TGFBR3L: variants seen among roughly 807,000 people sequenced by gnomAD.
TGFBR3L encodes the protein transforming growth factor-beta receptor type 3-like protein.
Under a neutral mutation model 20.4 loss-of-function variants are expected in TGFBR3L, and 21 were observed. The observed-to-expected ratio is 1.03, with a 90% CI of 0.73 to 1.48. The LOEUF is 1.48. Among genes scored for constraint, TGFBR3L ranks in the 40% most tolerant of loss-of-function variants. The pLI is 0.00. For missense variants in TGFBR3L, 479 were observed against 498.0 expected (o/e 0.96, Z 0.36); for synonymous variants, 245 against 244.2 (o/e 1.00, Z -0.03).
chr19:7,918,068 C>G lies in TGFBR3L; in HGVS notation c.895C>G (p.Pro299Ala), dbSNP rs1983397973. 1.3e-6 allele frequency: 2 copies of G among 1,535,590 alleles called. No homozygotes were observed. The highest frequency in any genetic ancestry group is 1.7e-6 in the Non-Finnish European group (2 of 1,146,718). The change falls in exon 5 of 6, where the codon CCT (proline) becomes GCT (alanine). Residue 299 changes from proline (P) to alanine (A), a missense_variant. Transcript: ENST00000565886. ...CCTCTCCCTTCCAGCGCCCCACGCC[C>G]CTGGCCCGCCCGCGAGAGCCTCGCC...
In TGFBR3L at chr19:7,916,703, G is replaced by A; in HGVS notation, c.358G>A (p.Gly120Arg). ...GACGCCGTCCTCACGCCCGGCCCCGGGGCCCGCCCTGGCTCTGCTGCGTGA... is the reference window on the plus strand; with the variant it reads ...GACGCCGTCCTCACGCCCGGCCCCGAGGCCCGCCCTGGCTCTGCTGCGTGA... Residue 120 changes from glycine to arginine, a missense_variant, in exon 2 of 6, where the codon GGG (glycine) becomes AGG (arginine). Physicochemically the swap from Gly to Arg is moderately radical, Grantham distance 125. Transcript: ENST00000565886. 6.9e-7 allele frequency: 1 copy of A among 1,452,236 alleles called. No individual in the cohort carries two copies. Among genetic ancestry groups the A allele is most frequent in the Admixed American group, 2.8e-5 (1 of 36,062 alleles). The allele number at this position is 1,452,236 out of a possible 1,614,324, so 90.0% of individuals were successfully genotyped here.
intron 2 of TGFBR3L, 109 bp downstream of exon 3, chr19:7,917,051 G>T: frequency 3.3e-6 from 4 of 1,199,910 alleles, no homozygotes; most frequent in African/African-American, 1.6e-5. Flanking sequence ...GGATCTGGGG[G>T]TTGGGGGAGG....
chr19:7,918,201 T>A (rs1488691958), intron 5 of TGFBR3L, 72 bp downstream of exon 6: 9 of 1,443,690 alleles, frequency 6.2e-6, no homozygotes, highest in African/African-American at 2.8e-5. Flanking sequence ...GCTTAGTTCG[T>A]GCCAGGCACT....
rs1456761194 is a variant in TGFBR3L at position 7,916,414 on chromosome 19, G to A, written c.147G>A (p.Pro49=). 2 of 1,534,514 alleles carry A rather than the reference G, an allele frequency of 1.3e-6. No individual in the cohort carries two copies. The highest frequency in any genetic ancestry group is 2.7e-5 in the African/African-American group (2 of 73,012). ...CCTTCCCCGCCCCGCCAGCTCCCCC[G>A]TTCCCCGCGGCGCCCGGCCCCTGGC... The change falls in exon 1 of 6, where the codon CCG becomes CCA. Residue 49 remains proline (P), a synonymous_variant. Coordinates refer to ENST00000565886, the MANE Select transcript of TGFBR3L (RefSeq NM_001195259.2).
At position 7,916,098 on chromosome 19, in the gene TGFBR3L, T is replaced by C. The variant is rs1983271686; in HGVS notation, c.-170T>C. The C allele has an allele frequency of 7.5e-7, 1 of 1,341,090 alleles. No individual in the cohort carries two copies. The highest frequency in any genetic ancestry group is 2.6e-5 in the East Asian group (1 of 38,956). 83.1% of individuals were successfully genotyped at this position (1,341,090 alleles called of 1,614,324 possible). On this transcript the variant is annotated 5_prime_UTR_variant, in exon 1 of 6. Coordinates refer to ENST00000565886, the MANE Select transcript of TGFBR3L (RefSeq NM_001195259.2). ...GACTTCACCCAGCCGGACCCCACCA[T>C]CGGGTGCTCCTCACCGCTTCTCTTC...
Position 7,916,065 on chromosome 19 carries a change from G to T in TGFBR3L, c.-203G>T. 1 of 1,004,582 alleles carries T rather than the reference G, an allele frequency of 1.0e-6. No homozygotes were observed. Among genetic ancestry groups the T allele is most frequent in the Non-Finnish European group, 1.4e-6 (1 of 711,686 alleles). The allele number at this position is 1,004,582 out of a possible 1,614,324, so 62.2% of individuals were successfully genotyped here. On this transcript the variant is annotated 5_prime_UTR_variant, in exon 1 of 6. Transcript: ENST00000565886. ...CAAGAGCAGCCCTGGGGAAGGTGGGGGAGCTCTGACTTCACCCAGCCGGAC... is the reference window on the plus strand; with the variant it reads ...CAAGAGCAGCCCTGGGGAAGGTGGGTGAGCTCTGACTTCACCCAGCCGGAC...
chr19:7,918,192 CT>C, intron 5 of TGFBR3L, 63 bp downstream of exon 6: 1 of 1,483,524 alleles, frequency 6.7e-7, no homozygotes, highest in Non-Finnish European at 9.1e-7. Flanking sequence ...CTTCCTAGCG[CT>C]TAGTTCGTGC....
At chr19:7,917,161 G>A (rs574459938) in intron 2 of TGFBR3L, 1 of 869,824 alleles carries the variant, frequency 1.1e-6, no homozygotes, top group Non-Finnish European at 1.6e-6. Context: ...AGGGCTGGGG[G>A]TTGGATGCAG....
In TGFBR3L at chr19:7,916,856, TG is replaced by T; in HGVS notation, c.512del (p.Cys171SerfsTer3). ...CAACGCCTCGGTGCAGTTCCTGCACTGCCAGCTGAGCCGCTGCCGCCGCCTC... is the reference window on the plus strand; with the variant it reads ...CAACGCCTCGGTGCAGTTCCTGCACTCCAGCTGAGCCGCTGCCGCCGCCTC... On this transcript the variant is annotated frameshift_variant, in exon 2 of 6. Transcript: ENST00000565886. LOFTEE classifies it high-confidence loss of function. 3 of 1,411,226 alleles carry T rather than the reference TG, an allele frequency of 2.1e-6. No individual in the cohort carries two copies. Among genetic ancestry groups the T allele is most frequent in the Non-Finnish European group, 2.8e-6 (3 of 1,082,258 alleles). 87.4% of individuals were successfully genotyped at this position (1,411,226 alleles called of 1,614,324 possible). A position where few individuals can be genotyped will look rare whatever the true frequency, so the allele number is the denominator to read the frequency against.
intron 5 of TGFBR3L, 170 bp from the exon 7 acceptor site, chr19:7,918,747 C>T (rs771675368): frequency 7.6e-6 from 3 of 396,436 alleles, no homozygotes; most frequent in Non-Finnish European, 1.3e-5. Flanking sequence ...TGGGTCGAGC[C>T]AGGGGCATTA....
rs1263779523 is a variant in TGFBR3L, at chr19:7,916,620, A to G, written c.277-2A>G. 2.1e-5 allele frequency: 30 copies of G among 1,426,760 alleles called. No homozygotes were observed. The highest frequency in any genetic ancestry group is 2.6e-5 in the Non-Finnish European group (29 of 1,099,642). 88.4% of individuals were successfully genotyped at this position (1,426,760 alleles called of 1,614,324 possible). A position where few individuals can be genotyped will look rare whatever the true frequency, so the allele number is the denominator to read the frequency against. ...ATCCCTGATGGCGCCTCCGTCCCCC[A>G]GGCGGCCTTGGCCCGTCCCTCCCCG... On this transcript the variant is annotated splice_acceptor_variant, in intron 1 of 5. Coordinates refer to ENST00000565886, the MANE Select transcript of TGFBR3L (RefSeq NM_001195259.2). LOFTEE classifies it high-confidence loss of function.
In TGFBR3L at chr19:7,916,393, C is replaced by T. The variant is rs1328185112; in HGVS notation, c.126C>T (p.Phe42=). 1 of 1,535,092 alleles carries T rather than the reference C, an allele frequency of 6.5e-7. No homozygotes were observed. The highest frequency in any genetic ancestry group is 2.0e-5 in the Admixed American group (1 of 50,958). ...GTTTTCTCTCCTTTGGGCCGCCCTTCCCCGCCCCGCCAGCTCCCCCGTTCC... is the reference window on the plus strand; with the variant it reads ...GTTTTCTCTCCTTTGGGCCGCCCTTTCCCGCCCCGCCAGCTCCCCCGTTCC... Residue 42 remains phenylalanine (F), a synonymous_variant, in exon 1 of 6, where the codon TTC becomes TTT. Transcript: ENST00000565886.
chr19:7,916,278 C>G lies in TGFBR3L; in HGVS notation c.11C>G (p.Ser4Trp). ...GGCGCGGAGCCCATCATGGGTGAAT[C>G]GGCCGCCGCAACCGCATCCCTTTTC... Residue 4 changes from serine to tryptophan, a missense_variant, in exon 1 of 6, where the codon TCG becomes TGG. Transcript: ENST00000565886. 1 of 1,534,642 alleles carries G rather than the reference C, an allele frequency of 6.5e-7. No homozygotes were observed. Among genetic ancestry groups the G allele is most frequent in the South Asian group, 1.2e-5 (1 of 83,962 alleles).
chr19:7,918,982 G>A lies in TGFBR3L; in HGVS notation c.*71G>A, dbSNP rs1983453716. On this transcript the variant is annotated 3_prime_UTR_variant, in exon 6 of 6. Transcript: ENST00000565886. ...TACCAATTCGGGACCAGGACCAACA[G>A]GACCGGACCCGCCTCCCTGGACCTC... 2 of 398,608 alleles carry A rather than the reference G, an allele frequency of 5.0e-6. No individual in the cohort carries two copies. Among genetic ancestry groups the A allele is most frequent in the Non-Finnish European group, 4.4e-6 (1 of 226,078 alleles). The allele number at this position is 398,608 out of a possible 1,614,324, so 24.7% of individuals were successfully genotyped here.
In TGFBR3L at chr19:7,916,627, C is replaced by T. The variant is rs1365929244; in HGVS notation, c.282C>T (p.Ala94=). 1 of 1,424,696 alleles carries T rather than the reference C, an allele frequency of 7.0e-7. No homozygotes were observed. Among genetic ancestry groups the T allele is most frequent in the East Asian group, 2.7e-5 (1 of 36,926 alleles). The allele number at this position is 1,424,696 out of a possible 1,614,324, so 88.3% of individuals were successfully genotyped here. ...ATGGCGCCTCCGTCCCCCAGGCGGC[C>T]TTGGCCCGTCCCTCCCCGCGCTGGG... The change falls in exon 2 of 6, where the codon GCC becomes GCT. Residue 94 remains alanine, a synonymous_variant. Coordinates refer to ENST00000565886, the MANE Select transcript of TGFBR3L (RefSeq NM_001195259.2).
intron 5 of TGFBR3L, 29 bp downstream of exon 6, chr19:7,918,158 G>T: frequency 6.5e-7 from 1 of 1,531,510 alleles, no homozygotes; most frequent in Non-Finnish European, 8.7e-7. Flanking sequence ...GGAGCTGGGT[G>T]AGGTAGGAGA....
Position 7,916,016 on chromosome 19 carries a change from G to T in TGFBR3L, c.-252G>T. ...AGCACCTATCTCCCCTTAGAAAGGG[G>T]AGCCGCCTGTCCTGCTGCGTCCCCA... On this transcript the variant is annotated 5_prime_UTR_variant, in exon 1 of 6. Transcript: ENST00000565886. 6.7e-6 allele frequency: 4 copies of T among 594,224 alleles called. No homozygotes were observed. The allele number at this position is 594,224 out of a possible 1,614,324, so 36.8% of individuals were successfully genotyped here.
Position 7,916,531 on chromosome 19 carries a change from C to T in TGFBR3L, c.264C>T (p.Arg88=), listed in dbSNP as rs1022059708. ...CGCTCGAGGTCCCGGCCGACAGCCG[C>T]GTGTTCGTGCAGGTGGGGACCCCGG... Residue 88 remains arginine (R), a synonymous_variant, in exon 1 of 6, where the codon CGC becomes CGT. Transcript: ENST00000565886. 2.0e-6 allele frequency: 3 copies of T among 1,500,938 alleles called. No homozygotes were observed. The highest frequency in any genetic ancestry group is 2.7e-6 in the Non-Finnish European group (3 of 1,127,452). 93.0% of individuals were successfully genotyped at this position (1,500,938 alleles called of 1,614,324 possible).
At position 7,917,843 on chromosome 19, in the gene TGFBR3L, C is replaced by A. The variant is rs1357231868; in HGVS notation, c.867C>A (p.Leu289=). The change falls in exon 4 of 6, where the codon CTC becomes CTA. Residue 289 remains leucine, a synonymous_variant. Coordinates refer to ENST00000565886, the MANE Select transcript of TGFBR3L (RefSeq NM_001195259.2). ...CCGCGCTGGCCGCCGGGCTGGGTCT[C>A]GTCTGTGCGCACTCAGGTACCGACG... 1.5e-6 allele frequency: 2 copies of A among 1,378,170 alleles called. No individual in the cohort carries two copies. The highest frequency in any genetic ancestry group is 6.0e-5 in the East Asian group (2 of 33,422). 85.4% of individuals were successfully genotyped at this position (1,378,170 alleles called of 1,614,324 possible).
Sources: allele counts gnomAD v4.1 joint callset, GRCh38; gene constraint gnomAD v4.1.1; transcripts MANE v1.5; gene names NCBI Gene and HGNC (gene_info 2026-07-23, HGNC 2026-07-21).